TRAPPC9: variants seen among roughly 807,000 people sequenced by gnomAD.
TRAPPC9 encodes the protein trafficking protein particle complex subunit 9.
TRAPPC9 carries 83 observed loss-of-function variants against 124.0 expected under a neutral mutation model. The ratio of observed to expected loss-of-function variants is 0.67; its 90% CI spans 0.56 to 0.80. The LOEUF (loss-of-function observed/expected upper bound fraction) is 0.80, where lower values mean the gene tolerates loss of function less well. Among genes scored for constraint, TRAPPC9 ranks in the 30% least tolerant of loss-of-function variants. TRAPPC9 has a pLI of 0.00. For synonymous variants in TRAPPC9, 638 were observed against 617.5 expected (o/e 1.03, Z -0.49); for missense variants, 1,302 against 1,508.3 (o/e 0.86, Z 2.27).
At chr8:139,935,087 C>T (rs553348040) in intron 19 of TRAPPC9, among the ~76,000 whole-genome samples, 12 of 152,268 alleles carry the variant, frequency 7.9e-5, no homozygotes, top group Admixed American at 7.2e-4. Flanking sequence ...CCTCCCGGTA[C>T]GTGATCTCAT....
rs367776930 is a variant in TRAPPC9, at chr8:140,221,431, G to T, written c.2556+28C>A. ...TTTGCAGAAGCCCGAACGGCACGTG[G>T]CAGATGCCGTCTGCCATACCAACTC... On this transcript the variant is annotated intron_variant, in intron 17 of 22. Transcript: ENST00000438773. The T allele has an allele frequency of 3.3e-5, 54 of 1,613,262 alleles. No homozygotes were observed. The Middle Eastern group carries it at 8.2e-4, about 25-fold the overall frequency.
intron 21 of TRAPPC9, among the ~76,000 whole-genome samples, chr8:139,800,715 G>C (rs1474177637): frequency 1.3e-5 from 2 of 152,080 alleles, no homozygotes; most frequent in Non-Finnish European, 2.9e-5. Context: ...CAGGAGAGCT[G>C]TCTGAAACCA....
intron 17 of TRAPPC9, among the ~76,000 whole-genome samples, chr8:140,068,081 G>A (rs541525272): frequency 1.3e-5 from 2 of 152,064 alleles, no homozygotes; most frequent in East Asian, 3.9e-4. Flanking sequence ...CGGGTGGGTG[G>A]AGACCTCGTG....
In TRAPPC9 at chr8:140,293,698, C is replaced by T. The variant is rs545980400; in HGVS notation, c.1769-2620G>A. Among the ~76,000 whole-genome samples the T allele has an allele frequency of 5.3e-5, 8 of 151,356 alleles. No individual in the cohort carries two copies. In the South Asian group the frequency reaches 1.7e-3, roughly 31 times the overall value. On this transcript the variant is annotated intron_variant, in intron 11 of 22. Coordinates refer to ENST00000438773, the MANE Select transcript of TRAPPC9 (RefSeq NM_001160372.4). ...CATGGACACAGGAAGGGGAACATCA[C>T]ACTCTGGGGACTATTGTGGGGTGGG...
At chr8:139,992,488 G>A (rs1837708582) in intron 18 of TRAPPC9, among the ~76,000 whole-genome samples, 1 of 151,868 alleles carries the variant, frequency 6.6e-6, no homozygotes, top group African/African-American at 2.4e-5. Context: ...CAAGTTTTGG[G>A]ATGCTCAACC....
At chr8:140,249,765 G>A (rs910567275) in intron 16 of TRAPPC9, among the ~76,000 whole-genome samples, 16 of 151,792 alleles carry the variant, frequency 1.1e-4, no homozygotes, top group Middle Eastern at 3.4e-3. Context: ...CACCACGCCC[G>A]GCTAATTTTT....
chr8:140,144,934 C>T (rs762723083), intron 17 of TRAPPC9, among the ~76,000 whole-genome samples: 5 of 151,458 alleles, frequency 3.3e-5, no homozygotes, highest in Non-Finnish European at 5.9e-5. Flanking sequence ...AATGCAGTGG[C>T]GCGATCTCTG....
At chr8:139,803,985 C>T (rs189091193) in intron 21 of TRAPPC9, among the ~76,000 whole-genome samples, 7 of 152,146 alleles carry the variant, frequency 4.6e-5, no homozygotes, top group Admixed American at 3.9e-4. Flanking sequence ...CTCAAGTCTG[C>T]AAACAACACA....
chr8:139,853,231 A>C (rs958075042), intron 21 of TRAPPC9, among the ~76,000 whole-genome samples: 5 of 152,182 alleles, frequency 3.3e-5, no homozygotes, highest in Non-Finnish European at 4.4e-5. Context: ...GGCAGGAGCA[A>C]TGTGCAGGAT....
chr8:140,214,111 G>A (rs1204113160), intron 17 of TRAPPC9, among the ~76,000 whole-genome samples: 1 of 152,238 alleles, frequency 6.6e-6, no homozygotes, highest in African/African-American at 2.4e-5. Flanking sequence ...CCAACTCAGG[G>A]AAAAGCCTCC....
chr8:139,844,211 C>T (rs1403790652), intron 21 of TRAPPC9, among the ~76,000 whole-genome samples: 1 of 152,254 alleles, frequency 6.6e-6, no homozygotes, highest in Admixed American at 6.5e-5. Flanking sequence ...CCAACTCTGT[C>T]CCTGCCCTGC....
At chr8:139,787,457 G>A (rs185298514) in intron 21 of TRAPPC9, among the ~76,000 whole-genome samples, 3 of 152,194 alleles carry the variant, frequency 2.0e-5, no homozygotes, top group East Asian at 3.9e-4. Context: ...CTCCCTGCCG[G>A]GCAGGGGCAG....
intron 17 of TRAPPC9, among the ~76,000 whole-genome samples, chr8:140,192,939 G>A (rs773639927): frequency 5.3e-5 from 8 of 152,158 alleles, no homozygotes; most frequent in South Asian, 2.1e-4. Context: ...CATCACACCC[G>A]GCTAATTTTT....
chr8:139,860,209 G>A (rs531424890), intron 21 of TRAPPC9, among the ~76,000 whole-genome samples: 2 of 152,280 alleles, frequency 1.3e-5, no homozygotes, highest in South Asian at 4.2e-4. Context: ...CCAAGCACAT[G>A]CACTCTAGAA....
intron 1 of TRAPPC9, among the ~76,000 whole-genome samples, chr8:140,456,093 A>G (rs946235580): frequency 5.3e-5 from 8 of 152,138 alleles, no homozygotes; most frequent in African/African-American, 1.9e-4. Context: ...TGACAATGGT[A>G]ACACAAGTGT....
In TRAPPC9 at chr8:139,993,139, A is replaced by AT. The variant is rs565428305; in HGVS notation, c.2700-4304dup. ...AAGCTTCATTTTTAATGCGTTGCAA[A>AT]TATCTTTTCACAGGCATTTGCAACA... On this transcript the variant is annotated intron_variant, in intron 18 of 22. Transcript: ENST00000438773. Among the ~76,000 whole-genome samples, 6 of 152,328 alleles carry AT rather than the reference A, an allele frequency of 3.9e-5. No individual in the cohort carries two copies. In the South Asian group the frequency reaches 1.2e-3, roughly 32 times the overall value.
chr8:139,909,173 C>T (rs1450999774), intron 20 of TRAPPC9, among the ~76,000 whole-genome samples: 2 of 152,122 alleles, frequency 1.3e-5, no homozygotes, highest in Non-Finnish European at 2.9e-5. Context: ...GTGTGTATCC[C>T]CATATCTGCA....
At chr8:139,952,071 A>G (rs1834677975) in intron 19 of TRAPPC9, among the ~76,000 whole-genome samples, 1 of 152,210 alleles carries the variant, frequency 6.6e-6, no homozygotes, top group African/African-American at 2.4e-5. Context: ...CCTCAAGCTT[A>G]AAAGCTGAAG....
intron 11 of TRAPPC9, among the ~76,000 whole-genome samples, chr8:140,297,019 C>T (rs934748016): frequency 3.2e-4 from 49 of 152,324 alleles, no homozygotes; most frequent in African/African-American, 9.9e-4. Context: ...GCTCGGAAGA[C>T]GCCCTCCAGA....
Sources: gnomAD v4.1 joint callset for allele counts (sites outside exome capture counted in the v4.1 genomes callset) on GRCh38, gnomAD v4.1.1 for gene constraint, MANE v1.5 for transcripts, NCBI Gene and HGNC (gene_info 2026-07-23, HGNC 2026-07-21) for gene names.